ITPR2: variants seen among roughly 807,000 people sequenced by gnomAD.
ITPR2 encodes the protein inositol 1,4,5-trisphosphate receptor type 2.
ITPR2 carries 207 observed loss-of-function variants against 317.1 expected under a neutral mutation model. The ratio of observed to expected loss-of-function variants is 0.65; its 90% CI spans 0.58 to 0.73. The LOEUF (loss-of-function observed/expected upper bound fraction) is 0.73. Among genes scored for constraint, ITPR2 ranks in the 30% least tolerant of loss-of-function variants. The probability of loss-of-function intolerance (pLI) is 0.00; values close to 1 mark genes in which losing one functional copy is unlikely to be tolerated. For synonymous variants in ITPR2, 1,156 were observed against 1,149.1 expected (o/e 1.01, Z -0.12); for missense variants, 2,613 against 3,284.0 (o/e 0.80, Z 4.99).
chr12:26,493,831 G>A (rs1349616127), intron 39 of ITPR2, among the ~76,000 whole-genome samples: 1 of 152,180 alleles, frequency 6.6e-6, no homozygotes, highest in Non-Finnish European at 1.5e-5. Flanking sequence ...CCACTTGGCA[G>A]AAGTTTCAAA....
chr12:26,529,150 C>A (rs1943886705), intron 37 of ITPR2, among the ~76,000 whole-genome samples: 1 of 152,208 alleles, frequency 6.6e-6, no homozygotes, highest in South Asian at 2.1e-4. Flanking sequence ...TAAGCTGACA[C>A]AGTAGTCTCT....
At chr12:26,512,211 A>C (rs1359102890) in intron 37 of ITPR2, among the ~76,000 whole-genome samples, 8 of 148,210 alleles carry the variant, frequency 5.4e-5, no homozygotes, top group African/African-American at 2.0e-4. Context: ...AAAGCTGCAG[A>C]TCTCCCTCAC....
intron 28 of ITPR2, among the ~76,000 whole-genome samples, chr12:26,602,113 A>AAG (rs1179810746): frequency 1.3e-5 from 2 of 152,120 alleles, no homozygotes; most frequent in African/African-American, 2.4e-5. Context: ...CAAAGGGAGA[A>AAG]ATCTGAGTAG....
chr12:26,702,800 T>C (rs1948473507), intron 9 of ITPR2, among the ~76,000 whole-genome samples: 1 of 152,204 alleles, frequency 6.6e-6, no homozygotes, highest in Non-Finnish European at 1.5e-5. Context: ...TAAGGGACCA[T>C]TTCTAACCCT....
chr12:26,768,645 T>C (rs1949784708), intron 2 of ITPR2, among the ~76,000 whole-genome samples: 1 of 150,506 alleles, frequency 6.6e-6, no homozygotes, highest in African/African-American at 2.4e-5. Context: ...TCAAACTTTT[T>C]GGTCACAGGA....
chr12:26,475,322 G>A lies in ITPR2; in HGVS notation c.6316C>T (p.His2106Tyr). 1 of 1,613,544 alleles carries A rather than the reference G, an allele frequency of 6.2e-7. No homozygotes were observed. The highest frequency in any genetic ancestry group is 8.5e-7 in the Non-Finnish European group (1 of 1,179,666). Reference sequence around the variant, plus strand: ...TGATGGGCCAGAATATAGATATTGTGTCCAACATCTTTTGGAGAAACACCA... The same window carrying A: ...TGATGGGCCAGAATATAGATATTGTATCCAACATCTTTTGGAGAAACACCA... ...DDGVSPKDVG[H>Y]NIYILAHQLA... Residue 2106 changes from histidine (H) to tyrosine (Y), a missense_variant, in exon 45 of 57, where the codon CAC becomes TAC. Coordinates refer to ENST00000381340, the MANE Select transcript of ITPR2 (RefSeq NM_002223.4).
intron 45 of ITPR2, among the ~76,000 whole-genome samples, chr12:26,459,592 T>C (rs2136779583): frequency 6.6e-6 from 1 of 152,360 alleles, no homozygotes; most frequent in East Asian, 1.9e-4. Flanking sequence ...CACCCTCTTT[T>C]GTGAATCTCT....
chr12:26,339,892 AT>A (rs373120220), intron 56 of ITPR2, among the ~76,000 whole-genome samples: 3 of 151,806 alleles, frequency 2.0e-5, no homozygotes, highest in East Asian at 1.9e-4. Context: ...GCAGAAAATG[AT>A]TTTTTTTTAA....
Position 26,742,188 on chromosome 12 carries a change from C to A in ITPR2, c.164-16423G>T, listed in dbSNP as rs1358315698. 2.0e-5 allele frequency among the ~76,000 whole-genome samples: 3 copies of A among 152,180 alleles called. No homozygotes were observed. The East Asian group carries it at 5.8e-4, about 29-fold the overall frequency. On this transcript the variant is annotated intron_variant, in intron 2 of 56. Transcript: ENST00000381340. Reference sequence around the variant, plus strand: ...GTGCTTTTGCCCACCAAAAGACACACAAAGCATGTCACAGGATTCATCACA... The same window carrying A: ...GTGCTTTTGCCCACCAAAAGACACAAAAAGCATGTCACAGGATTCATCACA...
chr12:26,553,701 C>T (rs531331382), intron 36 of ITPR2, among the ~76,000 whole-genome samples: 29 of 151,866 alleles, frequency 1.9e-4, no homozygotes, highest in Admixed American at 2.6e-4. Flanking sequence ...AGGATAATGG[C>T]GTGAACCAGG....
intron 37 of ITPR2, among the ~76,000 whole-genome samples, chr12:26,518,246 T>C (rs1019960125): frequency 6.6e-6 from 1 of 152,218 alleles, no homozygotes; most frequent in African/African-American, 2.4e-5. Context: ...GAGGCCATTA[T>C]CCTAAGCAAA....
At chr12:26,489,805 G>A (rs1565556645) in intron 39 of ITPR2, among the ~76,000 whole-genome samples, 1 of 152,240 alleles carries the variant, frequency 6.6e-6, no homozygotes, top group Non-Finnish European at 1.5e-5. Flanking sequence ...CAGTATGACA[G>A]AAGCAGGGGT....
At chr12:26,492,388 C>G (rs1341293240) in intron 39 of ITPR2, among the ~76,000 whole-genome samples, 1 of 151,228 alleles carries the variant, frequency 6.6e-6, no homozygotes, top group Non-Finnish European at 1.5e-5. Flanking sequence ...TCTGGTGACC[C>G]TTAGTGGCCT....
chr12:26,414,844 G>A (rs914097921), intron 51 of ITPR2, among the ~76,000 whole-genome samples: 2 of 151,968 alleles, frequency 1.3e-5, no homozygotes, highest in African/African-American at 2.4e-5. Flanking sequence ...AATTTCTTAT[G>A]ATCTGGTGGT....
intron 2 of ITPR2, among the ~76,000 whole-genome samples, chr12:26,740,441 C>T (rs944268705): frequency 7.2e-5 from 11 of 152,098 alleles, no homozygotes; most frequent in African/African-American, 2.4e-4. Flanking sequence ...AAGGGAAATA[C>T]GCTATAAAAG....
chr12:26,580,188 T>C (rs1183678573), intron 32 of ITPR2, 33 bp from the exon 33 acceptor site: 2 of 1,594,838 alleles, frequency 1.3e-6, no homozygotes, highest in Non-Finnish European at 8.5e-7. Flanking sequence ...CAATATGTTT[T>C]ATCACATTTT....
intron 52 of ITPR2, chr12:26,406,430 T>G (rs999314709): frequency 3.9e-5 from 1 of 25,814 alleles, no homozygotes; most frequent in African/African-American, 1.6e-4. Flanking sequence ...AATATGAAGT[T>G]TTTTTTTTTT....
chr12:26,708,746 T>G (rs1186305918), intron 9 of ITPR2, among the ~76,000 whole-genome samples: 1 of 152,078 alleles, frequency 6.6e-6, no homozygotes, highest in Non-Finnish European at 1.5e-5. Context: ...TTAAAATAAC[T>G]AAAAGAGTAG....
At chr12:26,826,649 A>G (rs193273851) in intron 1 of ITPR2, among the ~76,000 whole-genome samples, 1 of 152,332 alleles carries the variant, frequency 6.6e-6, no homozygotes, top group Non-Finnish European at 1.5e-5. Context: ...TAGTCACCTG[A>G]TAGTTACTGA....
Sources: allele counts gnomAD v4.1 joint callset (sites outside exome capture counted in the v4.1 genomes callset), GRCh38; gene constraint gnomAD v4.1.1; transcripts MANE v1.5; gene names NCBI Gene and HGNC (gene_info 2026-07-23, HGNC 2026-07-21).